The following TRAK1 variants were observed in gnomAD, a reference collection of about 807,000 sequenced individuals.
TRAK1 encodes the protein trafficking kinesin-binding protein 1.
Under a neutral mutation model 92.1 loss-of-function variants are expected in TRAK1, and 33 were observed. The ratio of observed to expected loss-of-function variants is 0.36; its 90% CI spans 0.27 to 0.48. The LOEUF is 0.48. Ranked by LOEUF, TRAK1 falls within the 20% of genes least tolerant of loss-of-function variation. TRAK1 has a pLI of 0.99. For missense variants in TRAK1, 1,123 were observed against 1,257.9 expected, an observed-to-expected ratio of 0.89 and a Z score of 1.62; for synonymous variants, 521 against 517.3, an observed-to-expected ratio of 1.01 and a Z score of -0.10.
intron 1 of TRAK1, among the ~76,000 whole-genome samples, chr3:42,108,956 A>G (rs1296070838): frequency 6.6e-6 from 1 of 152,188 alleles, no homozygotes; most frequent in Non-Finnish European, 1.5e-5. Context: ...TTAGAGAAAG[A>G]AGAGTTATAA....
chr3:42,096,707 A>T (rs2148993980), intron 1 of TRAK1, among the ~76,000 whole-genome samples: 1 of 152,350 alleles, frequency 6.6e-6, no homozygotes, highest in Non-Finnish European at 1.5e-5. Context: ...CCCTGCAGGT[A>T]GAATTGCTGT....
Position 42,202,339 on chromosome 3 carries a change from C to G in TRAK1, c.1428-97C>G. The G allele has an allele frequency of 2.4e-6, 3 of 1,250,470 alleles. No homozygotes were observed. Among genetic ancestry groups the G allele is most frequent in the Non-Finnish European group, 3.1e-6 (3 of 963,726 alleles). 77.5% of individuals were successfully genotyped at this position (1,250,470 alleles called of 1,614,324 possible). On this transcript the variant is annotated intron_variant, in intron 12 of 15. Transcript: ENST00000327628. The surrounding 1 kb of genome is among the most constrained non-coding windows in gnomAD (Gnocchi z 6.1). ...TTGGTTCCCATGGAGAATCCTGTAG[C>G]CCCAGGGAACGTCCACCGCTGTGCA...
At chr3:42,166,496 C>T (rs965098249) in intron 2 of TRAK1, among the ~76,000 whole-genome samples, 4 of 152,154 alleles carry the variant, frequency 2.6e-5, no homozygotes, top group Admixed American at 1.3e-4. Context: ...GTGTCTCTCT[C>T]GACCTTGGAC....
intron 1 of TRAK1, among the ~76,000 whole-genome samples, chr3:42,025,179 C>G (rs1701868029): frequency 6.6e-6 from 1 of 152,178 alleles, no homozygotes; most frequent in Non-Finnish European, 1.5e-5. Flanking sequence ...TTGGTTTCCT[C>G]CTAGCAATAT....
intron 1 of TRAK1, among the ~76,000 whole-genome samples, chr3:42,056,982 A>G (rs977380206): frequency 3.3e-5 from 5 of 152,148 alleles, no homozygotes; most frequent in Admixed American, 3.3e-4. Flanking sequence ...ATTTGAACCA[A>G]CCTGTAACCT....
intron 10 of TRAK1, among the ~76,000 whole-genome samples, chr3:42,195,499 C>T (rs1038711792): frequency 1.3e-5 from 2 of 152,152 alleles, no homozygotes; most frequent in African/African-American, 2.4e-5. Flanking sequence ...CGGATGGCTG[C>T]GTAAATGCTC....
intron 1 of TRAK1, among the ~76,000 whole-genome samples, chr3:42,077,529 C>G (rs183123469): frequency 2.0e-4 from 31 of 152,292 alleles, no homozygotes; most frequent in Admixed American, 1.9e-3. Context: ...CCTCAAGTGA[C>G]CCACCCACTT....
At chr3:42,050,087 T>G (rs1702919189) in intron 1 of TRAK1, among the ~76,000 whole-genome samples, 1 of 152,056 alleles carries the variant, frequency 6.6e-6, no homozygotes, top group Non-Finnish European at 1.5e-5. Flanking sequence ...TGGTAGTTTT[T>G]TCCCTTGGAC....
intron 2 of TRAK1, among the ~76,000 whole-genome samples, chr3:42,146,524 T>C (rs1699351909): frequency 6.6e-6 from 1 of 152,164 alleles, no homozygotes; most frequent in African/African-American, 2.4e-5. Flanking sequence ...CATGTGATGC[T>C]TTGAGGAGTT....
chr3:42,159,889 G>GC (rs1701044265), intron 2 of TRAK1, among the ~76,000 whole-genome samples: 2 of 152,178 alleles, frequency 1.3e-5, no homozygotes, highest in East Asian at 3.9e-4. Context: ...CTCCGCCAGC[G>GC]CCCCACCTTT....
intron 1 of TRAK1, among the ~76,000 whole-genome samples, chr3:42,124,892 A>T (rs1414148011): frequency 6.6e-6 from 1 of 152,206 alleles, no homozygotes; most frequent in Non-Finnish European, 1.5e-5. Context: ...TGTGTTCACC[A>T]CTGTGTCTCC....
At chr3:42,199,367 C>T in intron 11 of TRAK1, 114 bp downstream of exon 11, 1 of 950,556 alleles carries the variant, frequency 1.1e-6, no homozygotes. Flanking sequence ...TGACTATTGT[C>T]CTTCCCAGTC....
At chr3:42,050,174 G>C (rs1488660878) in intron 1 of TRAK1, among the ~76,000 whole-genome samples, 1 of 143,864 alleles carries the variant, frequency 7.0e-6, no homozygotes, top group Non-Finnish European at 1.5e-5. Flanking sequence ...TTGGGGAAGG[G>C]AACTGAGGGT....
At chr3:42,062,985 C>T (rs768553855) in intron 1 of TRAK1, among the ~76,000 whole-genome samples, 4 of 152,156 alleles carry the variant, frequency 2.6e-5, no homozygotes, top group Admixed American at 6.5e-5. Context: ...ATATGGAGGA[C>T]GTGCTTCAGA....
chr3:42,019,070 C>T (rs1397576860), intron 1 of TRAK1, among the ~76,000 whole-genome samples: 2 of 151,282 alleles, frequency 1.3e-5, no homozygotes, highest in Non-Finnish European at 2.9e-5. Context: ...TGCATTGAGC[C>T]AAGATCGCAC....
chr3:42,185,039 G>C (rs76686744), intron 4 of TRAK1: 4 of 497,692 alleles, frequency 8.0e-6, no homozygotes, highest in Non-Finnish European at 1.4e-5. Flanking sequence ...ATGTGGATGG[G>C]ATGGCTAAGG....
At chr3:42,184,348 G>A (rs1294616360) in intron 3 of TRAK1, among the ~76,000 whole-genome samples, 1 of 152,224 alleles carries the variant, frequency 6.6e-6, no homozygotes, top group Non-Finnish European at 1.5e-5. Context: ...CCCTCAGGTG[G>A]AGAGACAGGT....
chr3:42,113,724 G>A (rs551407730), intron 1 of TRAK1, among the ~76,000 whole-genome samples: 2 of 151,902 alleles, frequency 1.3e-5, no homozygotes, highest in Non-Finnish European at 1.5e-5. Context: ...CAAAAGCACC[G>A]TTTTTCTTTT....
intron 3 of TRAK1, among the ~76,000 whole-genome samples, chr3:42,180,293 G>A (rs1703823581): frequency 6.6e-6 from 1 of 152,022 alleles, no homozygotes; most frequent in Non-Finnish European, 1.5e-5. Flanking sequence ...GGGTACATGA[G>A]ATACTTTGAT....
Sources: allele counts gnomAD v4.1 joint callset (sites outside exome capture counted in the v4.1 genomes callset), GRCh38; gene constraint gnomAD v4.1.1; non-coding constraint Gnocchi (gnomAD v3.1); transcripts MANE v1.5; gene names NCBI Gene and HGNC (gene_info 2026-07-23, HGNC 2026-07-21).